The following CNTNAP2 variants were observed in gnomAD, a reference collection of about 807,000 sequenced individuals.
CNTNAP2 encodes the protein contactin-associated protein-like 2.
A neutral mutation model predicts 155.2 loss-of-function variants in CNTNAP2; 98 were observed. The ratio of observed to expected loss-of-function variants is 0.63; its 90% CI spans 0.54 to 0.75. CNTNAP2 has a LOEUF of 0.75. Among genes scored for constraint, CNTNAP2 ranks in the 30% least tolerant of loss-of-function variants. CNTNAP2 has a pLI of 0.00. For missense variants in CNTNAP2, 1,727 were observed against 1,688.1 expected (o/e 1.02, Z -0.40); for synonymous variants, 651 against 631.2 (o/e 1.03, Z -0.47).
intron 1 of CNTNAP2, among the ~76,000 whole-genome samples, chr7:146,214,822 T>C (rs1000222077): frequency 6.6e-6 from 1 of 152,164 alleles, no homozygotes; most frequent in African/African-American, 2.4e-5. Context: ...TAATTAAATA[T>C]TCATATAAGA....
intron 13 of CNTNAP2, among the ~76,000 whole-genome samples, chr7:147,715,062 T>G (rs531420779): frequency 8.4e-4 from 128 of 152,268 alleles, no homozygotes; most frequent in South Asian, 1.4e-3. Flanking sequence ...ATACCACAGT[T>G]TGATTAATTG....
chr7:146,132,825 G>C (rs984615368), intron 1 of CNTNAP2, among the ~76,000 whole-genome samples: 25 of 149,050 alleles, frequency 1.7e-4, no homozygotes, highest in Middle Eastern at 3.4e-3. Context: ...TTGGACATTT[G>C]GGTTGGTTCC....
chr7:147,264,640 G>T (rs1352717880), intron 8 of CNTNAP2, among the ~76,000 whole-genome samples: 1 of 150,338 alleles, frequency 6.7e-6, no homozygotes, highest in Admixed American at 6.6e-5. Context: ...TGCCTGACGG[G>T]GCCAGCCTGG....
intron 1 of CNTNAP2, among the ~76,000 whole-genome samples, chr7:146,579,347 C>G (rs749318416): frequency 1.3e-5 from 2 of 151,930 alleles, no homozygotes; most frequent in Non-Finnish European, 2.9e-5. Flanking sequence ...AAGCAAACAG[C>G]CATTAGAAAT....
intron 1 of CNTNAP2, among the ~76,000 whole-genome samples, chr7:146,559,103 G>A (rs1798242661): frequency 6.6e-6 from 1 of 152,118 alleles, no homozygotes; most frequent in Admixed American, 6.5e-5. Context: ...CTACTGCACA[G>A]CAGGATGACT....
intron 21 of CNTNAP2, among the ~76,000 whole-genome samples, chr7:148,316,491 G>A (rs1563038988): frequency 6.6e-6 from 1 of 152,134 alleles, no homozygotes; most frequent in South Asian, 2.1e-4. Flanking sequence ...ATATATTTAC[G>A]TGGTGCCTAA....
intron 19 of CNTNAP2, among the ~76,000 whole-genome samples, chr7:148,221,935 T>C: frequency 6.6e-6 from 1 of 152,256 alleles, no homozygotes; most frequent in South Asian, 2.1e-4. Context: ...GTTTACGTCA[T>C]GGTGTCCATA....
chr7:147,830,758 T>C (rs1798533694), intron 13 of CNTNAP2, among the ~76,000 whole-genome samples: 1 of 152,196 alleles, frequency 6.6e-6, no homozygotes, highest in African/African-American at 2.4e-5. Flanking sequence ...CATTACTTCA[T>C]TCCATACAGC....
intron 9 of CNTNAP2, among the ~76,000 whole-genome samples, chr7:147,335,942 G>A (rs754555880): frequency 3.3e-5 from 5 of 152,146 alleles, no homozygotes; most frequent in Admixed American, 6.6e-5. Flanking sequence ...AGAACAAACA[G>A]CAGTGTAAGA....
intron 3 of CNTNAP2, among the ~76,000 whole-genome samples, chr7:146,963,674 T>TAA (rs201816101): frequency 6.6e-6 from 1 of 151,072 alleles, no homozygotes; most frequent in African/African-American, 2.4e-5. Flanking sequence ...GCATAATAAG[T>TAA]AAAAAAAAAC....
At chr7:146,597,289 C>CATCTGCTATAATAG (rs1798876896) in intron 1 of CNTNAP2, among the ~76,000 whole-genome samples, 7 of 152,070 alleles carry the variant, frequency 4.6e-5, no homozygotes, top group Admixed American at 3.9e-4. Context: ...TACTATAATA[C>CATCTGCTATAATAG]GATCATCTGC....
Position 146,839,889 on chromosome 7 carries a change from AG to A in CNTNAP2, c.388del (p.Asp130MetfsTer32). ...GGAGAAACTGGAAACCCTATCATCA[AG>A]ATGGGAATATCTGGGTAAGTCATTG... ...TGRNWKPYHQ[D>X]GNIWAFPGNI... On this transcript the variant is annotated frameshift_variant, in exon 3 of 24. Transcript: ENST00000361727. LOFTEE classifies it high-confidence loss of function. 1 of 1,614,218 alleles carries A rather than the reference AG, an allele frequency of 6.2e-7. No individual in the cohort carries two copies. The highest frequency in any genetic ancestry group is 8.5e-7 in the Non-Finnish European group (1 of 1,180,034).
intron 11 of CNTNAP2, among the ~76,000 whole-genome samples, chr7:147,516,367 A>G (rs1018568938): frequency 6.6e-6 from 1 of 152,220 alleles, no homozygotes; most frequent in African/African-American, 2.4e-5. Flanking sequence ...TTAAAGCATT[A>G]GTTTATTGCT....
In CNTNAP2 at chr7:148,415,548, G is replaced by T; in HGVS notation, c.3928G>T (p.Ala1310Ser). The part of the protein sequence containing the change: ...GAESAESADA[A>S]IMNNDPNFTE... ...GGAGTCGGCAGAGAGCGCGGACGCC[G>T]CCATCATGAACAACGACCCCAACTT... Residue 1310 changes from alanine (A) to serine (S), a missense_variant, in exon 24 of 24, where the codon GCC (alanine) becomes TCC (serine). Transcript: ENST00000361727. 6.2e-7 allele frequency: 1 copy of T among 1,614,216 alleles called. No individual in the cohort carries two copies. The highest frequency in any genetic ancestry group is 8.5e-7 in the Non-Finnish European group (1 of 1,180,044).
chr7:147,197,143 A>G (rs1194090997), intron 8 of CNTNAP2, among the ~76,000 whole-genome samples: 1 of 152,066 alleles, frequency 6.6e-6, no homozygotes, highest in Non-Finnish European at 1.5e-5. Context: ...ATGATTGCAT[A>G]GGAGTATAAC....
chr7:147,603,711 GA>G (rs1270790689), intron 12 of CNTNAP2, among the ~76,000 whole-genome samples: 1 of 151,930 alleles, frequency 6.6e-6, no homozygotes, highest in Non-Finnish European at 1.5e-5. Flanking sequence ...CACAGAATTG[GA>G]AAAAACTACT....
chr7:146,196,577 G>C (rs1047520861), intron 1 of CNTNAP2, among the ~76,000 whole-genome samples: 2 of 151,440 alleles, frequency 1.3e-5, no homozygotes, highest in Non-Finnish European at 2.9e-5. Flanking sequence ...GAGAGAGAGA[G>C]AGAGAAAGAG....
intron 12 of CNTNAP2, among the ~76,000 whole-genome samples, chr7:147,566,957 T>C (rs755491572): frequency 5.3e-5 from 8 of 152,182 alleles, no homozygotes; most frequent in Non-Finnish European, 1.0e-4. Flanking sequence ...GCTTGGATCC[T>C]AGAGAATGAC....
intron 15 of CNTNAP2, among the ~76,000 whole-genome samples, chr7:147,981,835 T>C (rs1450153273): frequency 1.4e-5 from 2 of 140,844 alleles, no homozygotes; most frequent in Non-Finnish European, 3.2e-5. Context: ...TTTTCTTTCA[T>C]TCTTTCTTTT....
Sources: allele counts gnomAD v4.1 joint callset (sites outside exome capture counted in the v4.1 genomes callset), GRCh38; gene constraint gnomAD v4.1.1; transcripts MANE v1.5; gene names NCBI Gene and HGNC (gene_info 2026-07-23, HGNC 2026-07-21).